The following DCLRE1A variants were observed in gnomAD, a reference collection of about 807,000 sequenced individuals.
DCLRE1A encodes the protein DNA cross-link repair 1A protein.
Under a neutral mutation model 91.9 loss-of-function variants are expected in DCLRE1A, and 64 were observed. The ratio of observed to expected loss-of-function variants is 0.70; its 90% confidence interval spans 0.57 to 0.86. The LOEUF (loss-of-function observed/expected upper bound fraction) is 0.86, where lower values mean the gene tolerates loss of function less well. DCLRE1A is among the 40% of genes least tolerant of loss of function. The pLI is 0.00. For missense variants in DCLRE1A, 1,145 were observed against 1,213.3 expected, an observed-to-expected ratio of 0.94 and a Z score of 0.84; for synonymous variants, 416 against 431.1, an observed-to-expected ratio of 0.96 and a Z score of 0.43.
At position 113,850,024 on chromosome 10, in the gene DCLRE1A, T is replaced by A; in HGVS notation, c.1081A>T (p.Lys361Ter). ...LLKDQDESCP[K>*]VNSFLTRDKY... is the part of the protein sequence containing the mutation. ...TCCCGAGTTAAGAAGCTGTTCACTT[T>A]GGGGCAGCTCTCATCCTGGTCCTTC... Residue 361 changes from lysine to a stop codon, truncating the protein, a stop_gained, in exon 2 of 9, where the codon AAA becomes TAA. Coordinates refer to ENST00000361384, the MANE Select transcript of DCLRE1A (RefSeq NM_014881.5). LOFTEE classifies it high-confidence loss of function. 1.2e-6 allele frequency: 2 copies of A among 1,614,214 alleles called. No individual in the cohort carries two copies. Among genetic ancestry groups the A allele is most frequent in the Non-Finnish European group, 1.7e-6 (2 of 1,180,040 alleles).
chr10:113,851,532 A>T (rs1845650584), intron 1 of DCLRE1A, among the ~76,000 whole-genome samples: 1 of 152,306 alleles, frequency 6.6e-6, no homozygotes, highest in Middle Eastern at 3.4e-3. Context: ...ATGTATTCCA[A>T]GTAGGATTTT....
rs761668585 is a variant in DCLRE1A at position 113,849,285 on chromosome 10, A to G, written c.1820T>C (p.Leu607Ser). Residue 607 changes from leucine to serine, a missense_variant, in exon 2 of 9, where the codon TTA becomes TCA. By Grantham distance (145) the Leu-to-Ser change is moderately radical. Transcript: ENST00000361384. ...ACTTGCATCAAATTCTAAATCACTTAAAGATTTTTCTGCTTTCCTCTTGCA... is the reference window on the plus strand; with the variant it reads ...ACTTGCATCAAATTCTAAATCACTTGAAGATTTTTCTGCTTTCCTCTTGCA... ...SQCKRKAEKS[L>S]SDLEFDASTL... 2 of 1,614,174 alleles carry G rather than the reference A, an allele frequency of 1.2e-6. No individual in the cohort carries two copies. Among genetic ancestry groups the G allele is most frequent in the Admixed American group, 1.7e-5 (1 of 60,022 alleles).
intron 2 of DCLRE1A, 146 bp downstream of exon 2, chr10:113,848,834 G>T (rs532212427): frequency 2.6e-6 from 2 of 768,810 alleles, no homozygotes; most frequent in Non-Finnish European, 4.2e-6. Context: ...CCATATCTAC[G>T]TTAGAGGCTC....
rs1411235810 is a variant in DCLRE1A, at chr10:113,849,122, A to T, written c.1983T>A (p.Ser661=). 3 of 1,614,082 alleles carry T rather than the reference A, an allele frequency of 1.9e-6. No homozygotes were observed. The South Asian group carries it at 3.3e-5, about 18-fold the overall frequency. Reference sequence around the variant, plus strand: ...TGACTTTACTTAAATTGACTGCTTCAGATTCTGTATTAATAAGGTGATCTG... The same window carrying T: ...TGACTTTACTTAAATTGACTGCTTCTGATTCTGTATTAATAAGGTGATCTG... ...KRSDHLINTE[S]EAVNLSKVKV... The change falls in exon 2 of 9, where the codon TCT becomes TCA. Residue 661 remains serine, a synonymous_variant. Coordinates refer to ENST00000361384, the MANE Select transcript of DCLRE1A (RefSeq NM_014881.5).
Position 113,852,941 on chromosome 10 carries a change from T to C in DCLRE1A, c.242A>G (p.Asn81Ser). 1 of 1,614,180 alleles carries C rather than the reference T, an allele frequency of 6.2e-7. No homozygotes were observed. The highest frequency in any genetic ancestry group is 1.1e-5 in the South Asian group (1 of 91,080). Residue 81 changes from asparagine (N) to serine (S), a missense_variant, in exon 1 of 9, where the codon AAT becomes AGT. Physicochemically the swap from Asn to Ser is conservative, Grantham distance 46 (BLOSUM62 1). Transcript: ENST00000361384. ...CTGAATACCATCTCCACAACTTGAATTCTGACTAGAAGCAACAGAAGTCTG... is the reference window on the plus strand; with the variant it reads ...CTGAATACCATCTCCACAACTTGAACTCTGACTAGAAGCAACAGAAGTCTG... ...GCQTSVASSQ[N>S]SSCGDGIQQT...
intron 3 of DCLRE1A, 126 bp from the exon 4 acceptor site, chr10:113,845,929 C>A: frequency 1.2e-6 from 1 of 824,980 alleles, no homozygotes; most frequent in Non-Finnish European, 2.1e-6. Context: ...AAACACTCCA[C>A]AATGCCAGGA....
In DCLRE1A at chr10:113,844,126, G is replaced by A. The variant is rs1357045087; in HGVS notation, c.2497C>T (p.His833Tyr). ...TACGTGGTATCTAAGTACAGCATAT[G>A]GACTTTCTGGTCCGCAAGAAGAGAA... ...ERSLLADQKV[H>Y]MLYLDTTYCS... Residue 833 changes from histidine (H) to tyrosine (Y), a missense_variant, in exon 5 of 9, where the codon CAT becomes TAT. His to Tyr is a moderately conservative substitution (Grantham distance 83, BLOSUM62 2). Coordinates refer to ENST00000361384, the MANE Select transcript of DCLRE1A (RefSeq NM_014881.5). The A allele has an allele frequency of 6.2e-7, 1 of 1,614,132 alleles. No individual in the cohort carries two copies. The highest frequency in any genetic ancestry group is 2.2e-5 in the East Asian group (1 of 44,876).
intron 7 of DCLRE1A, among the ~76,000 whole-genome samples, chr10:113,839,968 TA>T (rs1845420613): frequency 1.3e-5 from 2 of 152,128 alleles, no homozygotes; most frequent in Non-Finnish European, 2.9e-5. Context: ...ATTCCTGAGT[TA>T]TTAAAAACCA....
chr10:113,848,272 G>A (rs1039193584), intron 2 of DCLRE1A, among the ~76,000 whole-genome samples: 3 of 152,076 alleles, frequency 2.0e-5, no homozygotes, highest in Non-Finnish European at 4.4e-5. Context: ...AGCTGAGATC[G>A]CGCCACTGCA....
At position 113,835,219 on chromosome 10, in the gene DCLRE1A, C is replaced by G; in HGVS notation, c.3056G>C (p.Gly1019Ala). 6.2e-7 allele frequency: 1 copy of G among 1,614,112 alleles called. No homozygotes were observed. The highest frequency in any genetic ancestry group is 8.5e-7 in the Non-Finnish European group (1 of 1,180,004). Residue 1019 changes from glycine to alanine, a missense_variant, in exon 9 of 9, where the codon GGC becomes GCC. Gly to Ala is a moderately conservative substitution (Grantham distance 60). Coordinates refer to ENST00000361384, the MANE Select transcript of DCLRE1A (RefSeq NM_014881.5). ...PQKIIPTVNV[G>A]TWKSRSTMEK... ...CATTGTGCTCCTAGATTTCCAGGTG[C>G]CCACATTTACAGTAGGTATGATTTT...
chr10:113,841,042 C>T (rs957129876), intron 7 of DCLRE1A, among the ~76,000 whole-genome samples: 19 of 152,228 alleles, frequency 1.2e-4, no homozygotes, highest in African/African-American at 4.6e-4. Context: ...TAGAATAGAC[C>T]TGAAGTAAAC....
chr10:113,841,276 A>G, intron 7 of DCLRE1A, 130 bp downstream of exon 7: 2 of 1,061,680 alleles, frequency 1.9e-6, no homozygotes, highest in Non-Finnish European at 2.6e-6. Flanking sequence ...TTCCTCTTAA[A>G]AGATTGTCTA....
chr10:113,843,112 C>T (rs1845473217), intron 5 of DCLRE1A, among the ~76,000 whole-genome samples: 1 of 151,024 alleles, frequency 6.6e-6, no homozygotes, highest in African/African-American at 2.4e-5. Context: ...TATCTCCATG[C>T]AATATAACCC....
Position 113,837,100 on chromosome 10 carries a change from T to G in DCLRE1A, c.2924A>C (p.Asp975Ala). ...GTTTCCTTTGGTCTGGGGAATAACA[T>G]CTGCTATTCTAGTGAACTTGTTAGA... ...THSNKFTRIA[D>A]VIPQTKGNIS... The change falls in exon 8 of 9, where the codon GAT (aspartate) becomes GCT (alanine). Residue 975 changes from aspartate to alanine, a missense_variant. Physicochemically the swap from Asp to Ala is moderately radical, Grantham distance 126 (BLOSUM62 -2). Coordinates refer to ENST00000361384, the MANE Select transcript of DCLRE1A (RefSeq NM_014881.5). 6.2e-7 allele frequency: 1 copy of G among 1,612,226 alleles called. No individual in the cohort carries two copies. The highest frequency in any genetic ancestry group is 8.5e-7 in the Non-Finnish European group (1 of 1,179,178).
chr10:113,839,123 A>T (rs958329853), intron 7 of DCLRE1A, among the ~76,000 whole-genome samples: 2 of 152,132 alleles, frequency 1.3e-5, no homozygotes, highest in Non-Finnish European at 2.9e-5. Flanking sequence ...CAGGAGATTG[A>T]GACCATCCTG....
intron 8 of DCLRE1A, among the ~76,000 whole-genome samples, chr10:113,835,795 C>T (rs558948430): frequency 1.2e-4 from 19 of 152,164 alleles, no homozygotes; most frequent in East Asian, 3.9e-4. Flanking sequence ...ATTAGCCAGG[C>T]GTGGTGGCAC....
Position 113,853,138 on chromosome 10 carries a change from A to C in DCLRE1A, c.45T>G (p.Ser15=), listed in dbSNP as rs773794628. ...GATCAACTCGTTTTGGTTTTCTTTT[A>C]GATTTGTATTCCCAAATGTCTTCTT... is the stretch of plus-strand genomic sequence containing the variant. The part of the protein sequence containing the change: ...ISEEDIWEYK[S]KRKPKRVDPN... Residue 15 remains serine (S), a synonymous_variant, in exon 1 of 9, where the codon TCT becomes TCG. Transcript: ENST00000361384. 5 of 1,590,186 alleles carry C rather than the reference A, an allele frequency of 3.1e-6. No homozygotes were observed. Among genetic ancestry groups the C allele is most frequent in the Middle Eastern group, 1.8e-4 (1 of 5,684 alleles).
Position 113,849,931 on chromosome 10 carries a change from T to C in DCLRE1A, c.1174A>G (p.Asn392Asp). ...NDLSQPISQNNESTLPYDLAC... is the reference protein window; with the variant it reads ...NDLSQPISQNDESTLPYDLAC... Reference sequence around the variant, plus strand: ...AGATCATAAGGCAAAGTACTCTCATTATTTTGAGAAATAGGTTGAGACAAA... The same window carrying C: ...AGATCATAAGGCAAAGTACTCTCATCATTTTGAGAAATAGGTTGAGACAAA... Residue 392 changes from asparagine to aspartate, a missense_variant, in exon 2 of 9, where the codon AAT becomes GAT. Asn to Asp is a conservative substitution (Grantham distance 23). Transcript: ENST00000361384. 6.2e-7 allele frequency: 1 copy of C among 1,614,044 alleles called. No homozygotes were observed. The highest frequency in any genetic ancestry group is 8.5e-7 in the Non-Finnish European group (1 of 1,180,008).
chr10:113,845,179 TA>T (rs1201460773), intron 4 of DCLRE1A, among the ~76,000 whole-genome samples: 2 of 151,922 alleles, frequency 1.3e-5, no homozygotes, highest in Non-Finnish European at 2.9e-5. Flanking sequence ...GATAGTACTT[TA>T]TATTAAAAGA....
Sources: allele counts gnomAD v4.1 joint callset (sites outside exome capture counted in the v4.1 genomes callset), GRCh38; gene constraint gnomAD v4.1.1; transcripts MANE v1.5; gene names NCBI Gene and HGNC (gene_info 2026-07-23, HGNC 2026-07-21).